The following SLC26A8 variants were observed in gnomAD, a reference collection of about 807,000 sequenced individuals.
SLC26A8 encodes the protein solute carrier family 26 member 8.
In SLC26A8, 70 loss-of-function variants were observed where a neutral mutation model predicts 105.0. The ratio of observed to expected loss-of-function variants is 0.67; its 90% CI spans 0.55 to 0.81. SLC26A8 has a LOEUF of 0.81. Ranked by LOEUF, SLC26A8 falls within the 40% of genes least tolerant of loss-of-function variation. SLC26A8 has a pLI of 0.00. For synonymous variants in SLC26A8, 415 were observed against 438.3 expected (o/e 0.95, Z 0.66); for missense variants, 998 against 1,181.8 (o/e 0.84, Z 2.28).
intron 17 of SLC26A8, 89 bp from the exon 18 acceptor site, chr6:35,951,588 T>A (rs1771875477): frequency 6.8e-7 from 1 of 1,463,358 alleles, no homozygotes. Context: ...TTGTTTTGTT[T>A]TGGTTTTTTG....
At position 35,996,476 on chromosome 6, in the gene SLC26A8, A is replaced by G. The variant is rs149800620; in HGVS notation, c.627+1262T>C. On this transcript the variant is annotated intron_variant, in intron 5 of 19. Transcript: ENST00000490799. The stretch of plus-strand genomic sequence containing the variant: ...TGGTCCTTGTCAATGCAGAAAAAGG[A>G]TTCCAGATCTGGCTCTAAAGCTTAC... Among the ~76,000 whole-genome samples the G allele has an allele frequency of 6.6e-4, 101 of 152,306 alleles. 1 individual carries two copies. In the East Asian group the frequency reaches 0.016, roughly 24 times the overall value.
At chr6:35,994,577 C>CT (rs35718010) in intron 5 of SLC26A8, among the ~76,000 whole-genome samples, 56,734 of 131,768 alleles carry the variant, frequency 0.43, 12,784 homozygotes, top group South Asian at 0.59. Flanking sequence ...TGCATCATCT[C>CT]TTTTTTTTTT....
chr6:36,009,602 T>C (rs1014010391), intron 3 of SLC26A8, among the ~76,000 whole-genome samples: 1 of 152,230 alleles, frequency 6.6e-6, no homozygotes, highest in African/African-American at 2.4e-5. Flanking sequence ...CAAAGGGTTA[T>C]ATGCTGTATG....
chr6:35,957,515 T>TGG (rs1420162936), intron 16 of SLC26A8, among the ~76,000 whole-genome samples: 3 of 151,788 alleles, frequency 2.0e-5, no homozygotes, highest in Admixed American at 6.6e-5. Flanking sequence ...TTGAGGTCAC[T>TGG]GGGGCCAGGC....
chr6:35,989,039 A>G (rs780710620), intron 7 of SLC26A8, among the ~76,000 whole-genome samples: 7 of 151,874 alleles, frequency 4.6e-5, no homozygotes, highest in Non-Finnish European at 7.4e-5. Context: ...ATGGTGTTTC[A>G]CCATGTTGGC....
At chr6:35,971,798 T>C (rs1772808966) in intron 10 of SLC26A8, among the ~76,000 whole-genome samples, 1 of 152,200 alleles carries the variant, frequency 6.6e-6, no homozygotes, top group Non-Finnish European at 1.5e-5. Flanking sequence ...ATTTCTCTCT[T>C]TTACAATAAC....
At chr6:36,016,318 A>AC (rs1761994266) in intron 2 of SLC26A8, among the ~76,000 whole-genome samples, 3 of 152,014 alleles carry the variant, frequency 2.0e-5, no homozygotes, top group Admixed American at 6.6e-5. Flanking sequence ...AGGTTTGTGG[A>AC]CCCCCAAGGA....
At chr6:35,991,401 C>CAAA (rs10717911) in intron 7 of SLC26A8, among the ~76,000 whole-genome samples, 1 of 100,460 alleles carries the variant, frequency 1.0e-5, no homozygotes, top group Admixed American at 1.1e-4. Flanking sequence ...AAGACTCTGT[C>CAAA]AAAAAAAAAA....
chr6:36,009,795 C>T (rs1761799476), intron 3 of SLC26A8, among the ~76,000 whole-genome samples: 1 of 152,146 alleles, frequency 6.6e-6, no homozygotes, highest in South Asian at 2.1e-4. Context: ...ATGCTGATAT[C>T]CTGGTTGTGA....
intron 7 of SLC26A8, 112 bp downstream of exon 7, chr6:35,991,547 T>A (rs1761159554): frequency 1.4e-6 from 1 of 737,686 alleles, no homozygotes; most frequent in Non-Finnish European, 2.0e-6. Flanking sequence ...TTCACAAATA[T>A]AAGCATATAT....
intron 17 of SLC26A8, among the ~76,000 whole-genome samples, chr6:35,952,643 T>C (rs1410102330): frequency 6.6e-6 from 1 of 152,150 alleles, no homozygotes; most frequent in Non-Finnish European, 1.5e-5. Flanking sequence ...CAACAGACTC[T>C]AAATGACAAG....
At chr6:35,962,990 C>T (rs927032360) in intron 11 of SLC26A8, among the ~76,000 whole-genome samples, 3 of 152,084 alleles carry the variant, frequency 2.0e-5, no homozygotes, top group African/African-American at 7.2e-5. Flanking sequence ...TTTCTTTGCC[C>T]TCCTCCTTAA....
chr6:36,022,247 G>A (rs753978547), intron 1 of SLC26A8, among the ~76,000 whole-genome samples: 2 of 152,358 alleles, frequency 1.3e-5, no homozygotes, highest in East Asian at 1.9e-4. Context: ...GATTACAGGC[G>A]TGAGCCACTG....
intron 6 of SLC26A8, 46 bp downstream of exon 6, chr6:35,992,464 A>G (rs767812025): frequency 2.5e-5 from 39 of 1,572,710 alleles, no homozygotes; most frequent in Non-Finnish European, 3.3e-5. Context: ...TTTGGAGGCA[A>G]GAGGAGTGGC....
intron 2 of SLC26A8, among the ~76,000 whole-genome samples, chr6:36,016,286 C>A (rs145012967): frequency 6.6e-6 from 1 of 152,154 alleles, no homozygotes; most frequent in Non-Finnish European, 1.5e-5. Context: ...AGCCACTGCA[C>A]CCGGCCAGGG....
chr6:36,005,548 A>G (rs533998283), intron 3 of SLC26A8, among the ~76,000 whole-genome samples: 1 of 152,176 alleles, frequency 6.6e-6, no homozygotes, highest in Non-Finnish European at 1.5e-5. Flanking sequence ...TTATGATTGT[A>G]CTAAGGTTAT....
At chr6:35,968,810 C>A in intron 11 of SLC26A8, 67 bp downstream of exon 11, 1 of 951,316 alleles carries the variant, frequency 1.1e-6, no homozygotes, top group Non-Finnish European at 1.4e-6. Flanking sequence ...CCCCCGCACA[C>A]ACACACCAAG....
intron 2 of SLC26A8, among the ~76,000 whole-genome samples, chr6:36,018,606 T>C (rs1163878730): frequency 6.6e-6 from 1 of 152,248 alleles, no homozygotes. Context: ...ATTGCGAATG[T>C]CAATCATGCC....
chr6:36,008,114 C>T (rs990351154), intron 3 of SLC26A8, among the ~76,000 whole-genome samples: 16 of 123,632 alleles, frequency 1.3e-4, no homozygotes, highest in African/African-American at 2.5e-4. Flanking sequence ...AGCGAGACTC[C>T]GTCTCAAAAA....
Sources: gnomAD v4.1 joint callset for allele counts (sites outside exome capture counted in the v4.1 genomes callset) on GRCh38, gnomAD v4.1.1 for gene constraint, MANE v1.5 for transcripts, NCBI Gene and HGNC (gene_info 2026-07-23, HGNC 2026-07-21) for gene names.